Variants in CD109 observed in about 807,000 individuals in gnomAD.
CD109 encodes the protein CD109 molecule, also known as CD109 antigen.
A neutral mutation model predicts 165.8 loss-of-function variants in CD109; 149 were observed. The observed-to-expected ratio is 0.90, with a 90% CI of 0.79 to 1.03. CD109 has a LOEUF of 1.03. Among genes scored for constraint, CD109 ranks in the 50% least tolerant of loss-of-function variants. The probability of loss-of-function intolerance (pLI) is 0.00; values close to 1 mark genes in which losing one functional copy is unlikely to be tolerated. For synonymous variants in CD109, 585 were observed against 592.1 expected (o/e 0.99, Z 0.18); for missense variants, 1,712 against 1,677.8 (o/e 1.02, Z -0.36).
intron 26 of CD109, among the ~76,000 whole-genome samples, chr6:73,809,518 A>G (rs1378417129): frequency 1.3e-5 from 2 of 152,148 alleles, no homozygotes; most frequent in Non-Finnish European, 2.9e-5. Flanking sequence ...AAATGTAGGC[A>G]ATGGGAAAAG....
intron 5 of CD109, among the ~76,000 whole-genome samples, chr6:73,756,136 A>C (rs1042708923): frequency 6.6e-6 from 1 of 152,226 alleles, no homozygotes; most frequent in African/African-American, 2.4e-5. Context: ...AAATAATTCA[A>C]GGAATTGGAA....
intron 5 of CD109, among the ~76,000 whole-genome samples, chr6:73,741,226 C>T (rs1041386088): frequency 6.6e-6 from 1 of 152,178 alleles, no homozygotes; most frequent in African/African-American, 2.4e-5. Context: ...GCTACTTATA[C>T]GTGTGCTTAA....
At chr6:73,752,014 G>A (rs944297068) in intron 5 of CD109, among the ~76,000 whole-genome samples, 6 of 152,272 alleles carry the variant, frequency 3.9e-5, no homozygotes, top group African/African-American at 9.6e-5. Context: ...TTAACCTCCC[G>A]TTATGTGCAG....
chr6:73,717,046 A>T, intron 2 of CD109, among the ~76,000 whole-genome samples: 1 of 152,186 alleles, frequency 6.6e-6, no homozygotes, highest in Non-Finnish European at 1.5e-5. Flanking sequence ...TCTTTTCCTC[A>T]ATATATGTTC....
rs774346397 is a variant in CD109, at chr6:73,806,827, T to C, written c.2961-17T>C. ...TATAAAGTGTATTTTATGTAATTTT[T>C]TTCTCTTTTCATAAAGGTTGTCAGC... On this transcript the variant is annotated splice_polypyrimidine_tract_variant and intron_variant, in intron 24 of 32. Coordinates refer to ENST00000287097, the MANE Select transcript of CD109 (RefSeq NM_133493.5). The C allele has an allele frequency of 6.3e-7, 1 of 1,587,692 alleles. No individual in the cohort carries two copies. The highest frequency in any genetic ancestry group is 2.2e-5 in the East Asian group (1 of 44,596).
chr6:73,712,507 G>T (rs1056569218), intron 2 of CD109, among the ~76,000 whole-genome samples: 4 of 152,082 alleles, frequency 2.6e-5, no homozygotes, highest in Non-Finnish European at 5.9e-5. Context: ...TCTGTACCTA[G>T]TTGGATTTCC....
At chr6:73,685,970 G>A in the CD109 span, among the ~76,000 whole-genome samples, 46 of 152,338 alleles carry the variant, frequency 3.0e-4, no homozygotes, top group South Asian at 9.5e-3. Flanking sequence ...GAGTGAAGGT[G>A]ATGAGAGTAT....
intron 23 of CD109, among the ~76,000 whole-genome samples, chr6:73,801,248 G>A (rs112510544): frequency 1.6e-4 from 25 of 152,328 alleles, no homozygotes; most frequent in African/African-American, 6.0e-4. Flanking sequence ...TGTATCCGCT[G>A]AGTTTCAGTC....
chr6:73,753,655 C>G (rs936189584), intron 5 of CD109, among the ~76,000 whole-genome samples: 4 of 152,166 alleles, frequency 2.6e-5, no homozygotes, highest in Non-Finnish European at 5.9e-5. Context: ...AAAAGAAGTA[C>G]TTTTCTTCCT....
the CD109 span, among the ~76,000 whole-genome samples, chr6:73,690,435 CTTG>C: frequency 1.3e-5 from 2 of 152,246 alleles, no homozygotes; most frequent in East Asian, 3.9e-4. Context: ...GAGTTTCGCT[CTTG>C]TTGTCCAGGC....
intron 2 of CD109, among the ~76,000 whole-genome samples, chr6:73,711,917 G>A (rs1258967948): frequency 6.6e-6 from 1 of 152,190 alleles, no homozygotes; most frequent in Non-Finnish European, 1.5e-5. Context: ...GGGTAGTGGT[G>A]GAGTCTGGGC....
intron 1 of CD109, among the ~76,000 whole-genome samples, chr6:73,696,976 A>C (rs1582022740): frequency 1.3e-5 from 2 of 152,240 alleles, no homozygotes; most frequent in African/African-American, 4.8e-5. Context: ...AATAAGAAAC[A>C]GGCAAAATCT....
chr6:73,771,661 T>G, intron 15 of CD109, 80 bp downstream of exon 15: 2 of 977,826 alleles, frequency 2.0e-6, no homozygotes, highest in Non-Finnish European at 2.8e-6. Context: ...TTTAAATATT[T>G]AAAGAAAATT....
At chr6:73,700,673 G>A (rs980103247) in intron 2 of CD109, among the ~76,000 whole-genome samples, 4 of 151,790 alleles carry the variant, frequency 2.6e-5, no homozygotes, top group South Asian at 2.1e-4. Context: ...TTGTTTGTTT[G>A]ACAGATATGG....
At chr6:73,735,765 G>A (rs1177105045) in intron 4 of CD109, among the ~76,000 whole-genome samples, 3 of 152,120 alleles carry the variant, frequency 2.0e-5, no homozygotes, top group Non-Finnish European at 2.9e-5. Flanking sequence ...ACTTGAATGC[G>A]TACCTCCCTC....
At chr6:73,768,530 G>C (rs757008001) in intron 14 of CD109, among the ~76,000 whole-genome samples, 2 of 152,188 alleles carry the variant, frequency 1.3e-5, no homozygotes, top group Non-Finnish European at 2.9e-5. Flanking sequence ...GCTCAGGAGT[G>C]AAATTCCAGT....
In CD109 at chr6:73,810,077, T is replaced by C; in HGVS notation, c.3449T>C (p.Leu1150Pro). Residue 1150 changes from leucine to proline, a missense_variant, in exon 27 of 33, where the codon CTC (leucine) becomes CCC (proline). By Grantham distance (98) the Leu-to-Pro change is moderately conservative. Transcript: ENST00000287097. ...ATTGAAGTTGCAGCCTATGCACTGC[T>C]CTCACACTTCTTACAATTTCAGACT... ...LDIEVAAYAL[L>P]SHFLQFQTSE... 1 of 1,610,884 alleles carries C rather than the reference T, an allele frequency of 6.2e-7. No individual in the cohort carries two copies. Among genetic ancestry groups the C allele is most frequent in the Non-Finnish European group, 8.5e-7 (1 of 1,178,926 alleles).
intron 1 of CD109, 89 bp downstream of exon 1, chr6:73,696,378 T>A: frequency 1.8e-6 from 2 of 1,125,832 alleles, no homozygotes; most frequent in South Asian, 2.1e-5. Context: ...AGGTGGCGGC[T>A]GCTGTGCAGC....
At chr6:73,780,866 T>A (rs1774462804) in intron 16 of CD109, among the ~76,000 whole-genome samples, 1 of 145,888 alleles carries the variant, frequency 6.9e-6, no homozygotes, top group Non-Finnish European at 1.5e-5. Context: ...TTATATATAT[T>A]TCCTTGACTT....
Sources: allele counts gnomAD v4.1 joint callset (sites outside exome capture counted in the v4.1 genomes callset), GRCh38; gene constraint gnomAD v4.1.1; transcripts MANE v1.5; gene names NCBI Gene and HGNC (gene_info 2026-07-23, HGNC 2026-07-21).